The following TTC8 variants were observed in gnomAD, a reference collection of about 807,000 sequenced individuals.
TTC8 encodes the protein tetratricopeptide repeat protein 8.
A neutral mutation model predicts 72.5 loss-of-function variants in TTC8; 47 were observed. That is an observed-to-expected ratio of 0.65 (90% CI 0.51 to 0.83). TTC8 has a LOEUF of 0.83. Among genes scored for constraint, TTC8 ranks in the 40% least tolerant of loss-of-function variants. TTC8 has a pLI of 0.00. For synonymous variants in TTC8, 199 were observed against 221.4 expected (o/e 0.90, Z 0.90); for missense variants, 611 against 623.2 (o/e 0.98, Z 0.21).
At chr14:88,837,900 C>A (rs1381051995) in intron 2 of TTC8, among the ~76,000 whole-genome samples, 1 of 151,746 alleles carries the variant, frequency 6.6e-6, no homozygotes, top group Non-Finnish European at 1.5e-5. Flanking sequence ...AATTTTTTTA[C>A]AAATAAGTTA....
At chr14:88,848,534 A>G (rs2094819222) in intron 7 of TTC8, among the ~76,000 whole-genome samples, 1 of 152,180 alleles carries the variant, frequency 6.6e-6, no homozygotes, top group South Asian at 2.1e-4. Flanking sequence ...CTTTAGATAT[A>G]GTGGCAAAAC....
At chr14:88,838,070 C>T (rs1041378901) in intron 2 of TTC8, among the ~76,000 whole-genome samples, 4 of 152,218 alleles carry the variant, frequency 2.6e-5, no homozygotes, top group African/African-American at 9.6e-5. Context: ...CTTTGGGAAC[C>T]TAAATATGTT....
chr14:88,839,231 T>C (rs918345342), intron 2 of TTC8, among the ~76,000 whole-genome samples: 1 of 152,134 alleles, frequency 6.6e-6, no homozygotes, highest in African/African-American at 2.4e-5. Flanking sequence ...TTACCCCACT[T>C]CTATTTACTA....
Position 88,870,279 on chromosome 14 carries a change from G to C in TTC8, c.1049+81G>C, listed in dbSNP as rs571805536. ...ATAAGAAAGATGGAATGAAAGTATA[G>C]AGAAATAAGGTATAGGCCATGTCTT... On this transcript the variant is annotated intron_variant, in intron 11 of 14. Coordinates refer to ENST00000380656, the MANE Select transcript of TTC8 (RefSeq NM_144596.4). 5.7e-5 allele frequency: 84 copies of C among 1,475,912 alleles called. No homozygotes were observed. The African/African-American group carries it at 1.1e-3, about 19-fold the overall frequency. The allele number at this position is 1,475,912 out of a possible 1,614,324, so 91.4% of individuals were successfully genotyped here.
intron 7 of TTC8, among the ~76,000 whole-genome samples, chr14:88,847,270 C>CTA (rs2094811429): frequency 1.3e-5 from 2 of 152,038 alleles, no homozygotes. Context: ...GTAAAATAGA[C>CTA]CTGGGGAATA....
chr14:88,866,611 C>A (rs1027628354), intron 10 of TTC8, among the ~76,000 whole-genome samples: 1 of 152,216 alleles, frequency 6.6e-6, no homozygotes, highest in South Asian at 2.1e-4. Context: ...ATACCGCCCC[C>A]CTTTTGTACT....
Position 88,870,042 on chromosome 14 carries a change from CT to C in TTC8, c.910-16del, listed in dbSNP as rs775448011. On this transcript the variant is annotated splice_polypyrimidine_tract_variant and intron_variant, in intron 10 of 14. Coordinates refer to ENST00000380656, the MANE Select transcript of TTC8 (RefSeq NM_144596.4). ...AATATTAATAAAATATTGCTCTTCT[CT>C]CTTGATGGAGAATAGGAAATGAACA... is the stretch of plus-strand genomic sequence containing the variant. The C allele has an allele frequency of 2.5e-6, 4 of 1,613,484 alleles. No homozygotes were observed. The East Asian group carries it at 8.9e-5, about 36-fold the overall frequency.
At chr14:88,853,917 G>A (rs1271253363) in intron 8 of TTC8, among the ~76,000 whole-genome samples, 1 of 152,056 alleles carries the variant, frequency 6.6e-6, no homozygotes, top group Non-Finnish European at 1.5e-5. Flanking sequence ...AAATAGGGTA[G>A]ACTTCAGTTA....
At chr14:88,857,347 G>A (rs897424784) in intron 9 of TTC8, 70 bp downstream of exon 9, 1 of 1,312,358 alleles carries the variant, frequency 7.6e-7, no homozygotes, top group African/African-American at 1.4e-5. Flanking sequence ...CCATTGCATG[G>A]GGAGAGTAAA....
At chr14:88,834,328 A>T (rs1418115029) in intron 2 of TTC8, among the ~76,000 whole-genome samples, 1 of 152,332 alleles carries the variant, frequency 6.6e-6, no homozygotes, top group African/African-American at 2.4e-5. Context: ...GGAGGGGGAC[A>T]CCTGGCCAGT....
chr14:88,874,690 A>G (rs1244560248), intron 13 of TTC8, among the ~76,000 whole-genome samples: 1 of 152,182 alleles, frequency 6.6e-6, no homozygotes, highest in African/African-American at 2.4e-5. Context: ...TATTGAGAAG[A>G]TTGTATTTCA....
Position 88,843,793 on chromosome 14 carries a change from T to G in TTC8, c.580-13T>G, listed in dbSNP as rs1184557746. The G allele has an allele frequency of 2.5e-6, 4 of 1,591,508 alleles. No homozygotes were observed. Among genetic ancestry groups the G allele is most frequent in the Non-Finnish European group, 8.6e-7 (1 of 1,166,344 alleles). ...AAAAATCTAACGTATTTTTGACACT[T>G]TTTTCTTCACAGGCTTTGTTTGAGT... On this transcript the variant is annotated splice_polypyrimidine_tract_variant and intron_variant, in intron 6 of 14. Coordinates refer to ENST00000380656, the MANE Select transcript of TTC8 (RefSeq NM_144596.4).
Position 88,857,210 on chromosome 14 carries a change from C to G in TTC8, c.731C>G (p.Ala244Gly). 2 of 1,613,826 alleles carry G rather than the reference C, an allele frequency of 1.2e-6. No homozygotes were observed. Among genetic ancestry groups the G allele is most frequent in the Non-Finnish European group, 1.7e-6 (2 of 1,179,898 alleles). ...TGTAGGTTGGGAATGTATCGTGAAG[C>G]AGAAAAACAGTTTAAATCAGCCCTG... The part of the protein sequence containing the change: ...CYYRLGMYRE[A>G]EKQFKSALKQ... Residue 244 changes from alanine (A) to glycine (G), a missense_variant, in exon 9 of 15, where the codon GCA (alanine) becomes GGA (glycine). By Grantham distance (60) the Ala-to-Gly change is moderately conservative (BLOSUM62 0). Coordinates refer to ENST00000380656, the MANE Select transcript of TTC8 (RefSeq NM_144596.4).
intron 7 of TTC8, among the ~76,000 whole-genome samples, chr14:88,849,959 A>AG (rs1246944124): frequency 6.6e-6 from 1 of 152,126 alleles, no homozygotes; most frequent in Non-Finnish European, 1.5e-5. Context: ...TACAACTATA[A>AG]CAACAGTGAA....
At chr14:88,852,819 G>A (rs2094839304) in intron 7 of TTC8, 152 bp from the exon 8 acceptor site, 1 of 664,892 alleles carries the variant, frequency 1.5e-6, no homozygotes, top group Non-Finnish European at 2.6e-6. Flanking sequence ...AATTGGTGGG[G>A]CCATCTGGAA....
intron 13 of TTC8, among the ~76,000 whole-genome samples, chr14:88,873,634 G>T (rs902321813): frequency 6.6e-6 from 1 of 152,186 alleles, no homozygotes; most frequent in African/African-American, 2.4e-5. Context: ...GATTTGAAGG[G>T]ATTGTTTGTG....
chr14:88,838,144 T>A (rs938408058), intron 2 of TTC8, among the ~76,000 whole-genome samples: 8 of 152,160 alleles, frequency 5.3e-5, no homozygotes, highest in Admixed American at 2.0e-4. Context: ...TTTTTGTTTT[T>A]AAAAAAATGT....
At chr14:88,828,080 G>A (rs1169933941) in intron 1 of TTC8, among the ~76,000 whole-genome samples, 1 of 152,122 alleles carries the variant, frequency 6.6e-6, no homozygotes, top group Non-Finnish European at 1.5e-5. Flanking sequence ...GTCTTCCCCT[G>A]CCCCATCCTT....
At chr14:88,877,215 A>T in intron 14 of TTC8, 79 bp from the exon 15 acceptor site, 1 of 1,012,424 alleles carries the variant, frequency 9.9e-7, no homozygotes, top group East Asian at 2.4e-5. Context: ...TGCAGATACT[A>T]TGTCTTATTT....
Sources: gnomAD v4.1 joint callset for allele counts (sites outside exome capture counted in the v4.1 genomes callset) on GRCh38, gnomAD v4.1.1 for gene constraint, MANE v1.5 for transcripts, NCBI Gene and HGNC (gene_info 2026-07-23, HGNC 2026-07-21) for gene names.